UTRN: variants seen among roughly 807,000 people sequenced by gnomAD.
UTRN encodes utrophin, also known as dystrophin-related protein 1.
Under a neutral mutation model 463.9 loss-of-function variants are expected in UTRN, and 283 were observed. That is an observed-to-expected ratio of 0.61 (90% CI 0.55 to 0.67). The LOEUF is 0.67. Ranked by LOEUF, UTRN falls within the 30% of genes least tolerant of loss-of-function variation. UTRN has a pLI of 0.00. For synonymous variants in UTRN, 1,442 were observed against 1,431.5 expected (o/e 1.01, Z -0.17); for missense variants, 3,922 against 4,084.3 (o/e 0.96, Z 1.08).
chr6:144,837,175 C>T (rs529235528), intron 71 of UTRN: 1 of 153,022 alleles, frequency 6.5e-6, no homozygotes, highest in Non-Finnish European at 1.5e-5. Flanking sequence ...TCCCTTTCTT[C>T]CTTCTGTTTT....
chr6:144,441,846 C>T (rs930800665), intron 13 of UTRN, among the ~76,000 whole-genome samples: 14 of 152,174 alleles, frequency 9.2e-5, no homozygotes, highest in Admixed American at 2.0e-4. Context: ...TCTGTGTACC[C>T]GCAGGCTCAA....
chr6:144,674,700 G>A (rs1781419289), intron 51 of UTRN, among the ~76,000 whole-genome samples: 1 of 152,104 alleles, frequency 6.6e-6, no homozygotes, highest in Non-Finnish European at 1.5e-5. Context: ...GGGACCACAG[G>A]TGTATTCCAC....
chr6:144,458,248 T>A (rs1189246013), intron 19 of UTRN, among the ~76,000 whole-genome samples: 1 of 152,218 alleles, frequency 6.6e-6, no homozygotes, highest in Non-Finnish European at 1.5e-5. Context: ...TGGCTTAATA[T>A]TCCTGCACTC....
intron 51 of UTRN, among the ~76,000 whole-genome samples, chr6:144,668,221 ATGC>A (rs1477582100): frequency 6.6e-6 from 1 of 152,104 alleles, no homozygotes. Flanking sequence ...TCTTCCTAAC[ATGC>A]TGATTGGAGT....
At chr6:144,681,846 T>C (rs61336829) in intron 52 of UTRN, among the ~76,000 whole-genome samples, 17,848 of 152,184 alleles carry the variant, frequency 0.12, 1,413 homozygotes, top group Middle Eastern at 0.25. Flanking sequence ...TTATTTTTAA[T>C]GTTTGTGGGC....
At chr6:144,761,831 A>G (rs925992417) in intron 58 of UTRN, among the ~76,000 whole-genome samples, 1 of 152,184 alleles carries the variant, frequency 6.6e-6, no homozygotes, top group Non-Finnish European at 1.5e-5. Flanking sequence ...CTTCCAGGGA[A>G]TATGAGGAAT....
intron 60 of UTRN, among the ~76,000 whole-genome samples, chr6:144,779,862 G>C (rs1775662306): frequency 6.6e-6 from 1 of 151,762 alleles, no homozygotes; most frequent in South Asian, 2.1e-4. Context: ...TTTGTTATTA[G>C]CTTAAGTTTA....
intron 51 of UTRN, among the ~76,000 whole-genome samples, chr6:144,586,571 A>G (rs1454231925): frequency 6.6e-6 from 1 of 152,098 alleles, no homozygotes; most frequent in Non-Finnish European, 1.5e-5. Flanking sequence ...ATTGAATTTA[A>G]TTTGTTTTTA....
chr6:144,482,569 G>A (rs777976883), intron 27 of UTRN, among the ~76,000 whole-genome samples, 181 bp downstream of exon 27: 7 of 152,028 alleles, frequency 4.6e-5, no homozygotes, highest in Non-Finnish European at 7.4e-5. Context: ...GAAATAGTTT[G>A]ATAAAAATGA....
intron 65 of UTRN, among the ~76,000 whole-genome samples, chr6:144,804,603 G>GA (rs1255487523): frequency 6.6e-6 from 1 of 152,150 alleles, no homozygotes; most frequent in African/African-American, 2.4e-5. Context: ...GCAAGGAAGT[G>GA]AAAAATGACA....
At chr6:144,292,540 A>G (rs1804335718) in intron 2 of UTRN, among the ~76,000 whole-genome samples, 1 of 152,180 alleles carries the variant, frequency 6.6e-6, no homozygotes, top group Admixed American at 6.5e-5. Flanking sequence ...AGATGAATCA[A>G]CTGGGGAGTT....
At chr6:144,544,721 G>T (rs554866321) in intron 46 of UTRN, among the ~76,000 whole-genome samples, 7 of 151,014 alleles carry the variant, frequency 4.6e-5, no homozygotes, top group African/African-American at 1.7e-4. Context: ...AACCTTTTTC[G>T]TTTTCCCACC....
At chr6:144,460,715 C>T (rs1429359546) in intron 21 of UTRN, among the ~76,000 whole-genome samples, 1 of 152,194 alleles carries the variant, frequency 6.6e-6, no homozygotes, top group African/African-American at 2.4e-5. Flanking sequence ...GACACTGTTC[C>T]AGCTGGCTGT....
chr6:144,746,050 G>A (rs928215360), intron 54 of UTRN, among the ~76,000 whole-genome samples: 1 of 151,364 alleles, frequency 6.6e-6, no homozygotes, highest in Non-Finnish European at 1.5e-5. Context: ...GCCCAGCCTG[G>A]AGTACAGTGG....
chr6:144,847,866 G>T (rs547816696), intron 74 of UTRN, among the ~76,000 whole-genome samples: 1 of 152,206 alleles, frequency 6.6e-6, no homozygotes, highest in Non-Finnish European at 1.5e-5. Flanking sequence ...CTGAGATTTT[G>T]TTTTCCATTC....
intron 3 of UTRN, among the ~76,000 whole-genome samples, chr6:144,410,732 G>A (rs984808504): frequency 1.7e-4 from 26 of 152,000 alleles, no homozygotes; most frequent in African/African-American, 6.3e-4. Context: ...GTTTCATCCA[G>A]GTTGCTGCAG....
intron 60 of UTRN, 69 bp from the exon 61 acceptor site, chr6:144,781,853 G>T (rs1775857534): frequency 1.6e-5 from 19 of 1,188,810 alleles, no homozygotes; most frequent in Non-Finnish European, 2.3e-5. Context: ...AAATGCCTTT[G>T]TTGTGATGTT....
At chr6:144,726,555 T>C (rs1392771771) in intron 53 of UTRN, among the ~76,000 whole-genome samples, 1 of 152,192 alleles carries the variant, frequency 6.6e-6, no homozygotes, top group East Asian at 1.9e-4. Flanking sequence ...GGAGCTTATA[T>C]TTTATCTAAG....
At chr6:144,517,031 T>G in intron 39 of UTRN, 83 bp downstream of exon 39, 3 of 1,246,060 alleles carry the variant, frequency 2.4e-6, no homozygotes, top group Non-Finnish European at 3.1e-6. Context: ...GCATCACAGA[T>G]GCTTTAAAAC....
Sources: gnomAD v4.1 joint callset for allele counts (sites outside exome capture counted in the v4.1 genomes callset) on GRCh38, gnomAD v4.1.1 for gene constraint, MANE v1.5 for transcripts, NCBI Gene and HGNC (gene_info 2026-07-23, HGNC 2026-07-21) for gene names.